Variants in LAMA5 observed in about 807,000 individuals in gnomAD.
LAMA5 encodes the protein laminin subunit alpha 5.
Under a neutral mutation model 433.4 loss-of-function variants are expected in LAMA5, and 260 were observed. The observed-to-expected ratio is 0.60, with a 90% confidence interval of 0.54 to 0.66. LAMA5 has a LOEUF of 0.66. Among genes scored for constraint, LAMA5 ranks in the 30% least tolerant of loss-of-function variants. LAMA5 has a pLI of 0.00. For missense variants in LAMA5, 5,378 were observed against 5,258.5 expected (o/e 1.02, Z -0.70); for synonymous variants, 2,620 against 2,226.6 (o/e 1.18, Z -4.97).
chr20:62,323,763 A>C lies in LAMA5; in HGVS notation c.5849+13T>G. The C allele has an allele frequency of 2.5e-6, 4 of 1,608,224 alleles. No homozygotes were observed. Among genetic ancestry groups the C allele is most frequent in the Non-Finnish European group, 3.4e-6 (4 of 1,177,458 alleles). ...CACTCAGGCCCTGCCCCACTGCCCT[A>C]GCCCCAGCTCACCGCTCGCAGGAGG... On this transcript the variant is annotated intron_variant, in intron 44 of 79. Transcript: ENST00000252999.
intron 2 of LAMA5, among the ~76,000 whole-genome samples, chr20:62,353,796 A>C: frequency 6.6e-6 from 1 of 151,300 alleles, no homozygotes; most frequent in East Asian, 2.0e-4. Context: ...CACACCGGGC[A>C]CCCCTCCCCA....
chr20:62,334,456 C>G (rs997290187), intron 21 of LAMA5, 66 bp downstream of exon 21: 3 of 1,514,376 alleles, frequency 2.0e-6, no homozygotes, highest in Non-Finnish European at 2.7e-6. Context: ...GTGAGGGACA[C>G]GGAGAGGCCC....
In LAMA5 at chr20:62,332,685, C is replaced by A; in HGVS notation, c.3315G>T (p.Gln1105His). The A allele has an allele frequency of 6.2e-7, 1 of 1,611,096 alleles. No homozygotes were observed. Among genetic ancestry groups the A allele is most frequent in the Non-Finnish European group, 8.5e-7 (1 of 1,179,248 alleles). Reference protein sequence around the residue: ...VDVQLQVAVPQPGRYALVVEY... With the variant: ...VDVQLQVAVPHPGRYALVVEY... ...CCACCACTAGGGCATAGCGGCCTGG[C>A]TGTGGCACTGCCACTTGAAGCTGGA... is the stretch of plus-strand genomic sequence containing the variant. The change falls in exon 27 of 80, where the codon CAG (glutamine) becomes CAT (histidine). Residue 1105 changes from glutamine (Q) to histidine (H), a missense_variant. Transcript: ENST00000252999.
chr20:62,354,600 A>G (rs2146324966), intron 2 of LAMA5, among the ~76,000 whole-genome samples: 1 of 152,194 alleles, frequency 6.6e-6, no homozygotes, highest in Middle Eastern at 3.4e-3. Context: ...CCATGGCCTC[A>G]ATGGCAAGAG....
chr20:62,365,637 C>T (rs1193350648), intron 1 of LAMA5, among the ~76,000 whole-genome samples: 1 of 152,192 alleles, frequency 6.6e-6, no homozygotes, highest in East Asian at 1.9e-4. Context: ...CACAGGCCCT[C>T]CGTCCTGAGA....
chr20:62,362,537 T>C lies in LAMA5; in HGVS notation c.313A>G (p.Ile105Val). ...NQTIRGQYCD[I>V]CTAANSNKAH... ...TTGTTGCTGTTGGCAGCCGTGCAGA[T>C]GTCACAGTACTGGCCCTGCAGAGGG... Residue 105 changes from isoleucine (I) to valine (V), a missense_variant, in exon 2 of 80, where the codon ATC (isoleucine) becomes GTC (valine). Transcript: ENST00000252999. 6.3e-7 allele frequency: 1 copy of C among 1,593,974 alleles called. No individual in the cohort carries two copies. Among genetic ancestry groups the C allele is most frequent in the Non-Finnish European group, 8.6e-7 (1 of 1,168,978 alleles).
At position 62,349,253 on chromosome 20, in the gene LAMA5, A is replaced by G. The variant is rs1350480690; in HGVS notation, c.957-2225T>C. ...GCCACTGCACGCCAGTCTGGGCAAC[A>G]GAGTGAGACTCCATCTCAAAAAAAA... On this transcript the variant is annotated intron_variant, in intron 6 of 79. Transcript: ENST00000252999. Among the ~76,000 whole-genome samples the G allele has an allele frequency of 4.7e-5, 6 of 128,362 alleles. No individual in the cohort carries two copies. The East Asian group carries it at 1.3e-3, about 29-fold the overall frequency. 84.2% of individuals were successfully genotyped at this position (128,362 alleles called of 152,430 possible).
At position 62,314,816 on chromosome 20, in the gene LAMA5, G is replaced by A. The variant is rs1039371210; in HGVS notation, c.8179C>T (p.Arg2727Trp). Reference protein sequence around the residue: ...GRVRELIAQARGAASKVKVPM... With the variant: ...GRVRELIAQAWGAASKVKVPM... ...TCACCCACCTTACTGGCAGCCCCCC[G>A]GGCCTGGGCAATGAGCTCTCGCACG... Residue 2727 changes from arginine (R) to tryptophan (W), a missense_variant, in exon 60 of 80, where the codon CGG becomes TGG. By Grantham distance (101) the Arg-to-Trp change is moderately radical (BLOSUM62 -3). Coordinates refer to ENST00000252999, the MANE Select transcript of LAMA5 (RefSeq NM_005560.6). The A allele has an allele frequency of 1.8e-5, 29 of 1,612,686 alleles. No individual in the cohort carries two copies. The highest frequency in any genetic ancestry group is 1.1e-4 in the East Asian group (5 of 44,882).
intron 17 of LAMA5, 94 bp downstream of exon 17, chr20:62,336,640 A>AGCAG: frequency 6.9e-7 from 1 of 1,449,758 alleles, no homozygotes. Context: ...GCAACTGAGC[A>AGCAG]GCAGGCAGGA....
chr20:62,317,381 G>A lies in LAMA5; in HGVS notation c.7475C>T (p.Ala2492Val). Residue 2492 changes from alanine (A) to valine (V), a missense_variant, in exon 55 of 80, where the codon GCA becomes GTA. Physicochemically the swap from Ala to Val is moderately conservative, Grantham distance 64. Coordinates refer to ENST00000252999, the MANE Select transcript of LAMA5 (RefSeq NM_005560.6). ...LRLVEAAEAH[A>V]QQLGQLALNL... ...GAGTGCCAGCTGGCCCAGCTGCTGT[G>A]CGTGGGCCTCGGCGGCCTCCACTAG... 4.3e-6 allele frequency: 7 copies of A among 1,609,850 alleles called. No homozygotes were observed. Among genetic ancestry groups the A allele is most frequent in the Non-Finnish European group, 5.9e-6 (7 of 1,179,206 alleles).
At chr20:62,339,539 A>C (rs577330368) in intron 11 of LAMA5, among the ~76,000 whole-genome samples, 1 of 152,324 alleles carries the variant, frequency 6.6e-6, no homozygotes, top group East Asian at 1.9e-4. Context: ...AAACAATGTC[A>C]GGTGTTGGGA....
intron 18 of LAMA5, 111 bp downstream of exon 18, chr20:62,336,229 C>T: frequency 1.3e-6 from 1 of 742,386 alleles, no homozygotes; most frequent in Non-Finnish European, 2.2e-6. Context: ...GGCACACTCA[C>T]TGGCTCCAGC....
At chr20:62,319,626 C>T in intron 51 of LAMA5, 58 bp downstream of exon 51, 1 of 1,306,070 alleles carries the variant, frequency 7.7e-7, no homozygotes, top group South Asian at 1.3e-5. Flanking sequence ...CACCCCCACC[C>T]CTACCCCAGG....
At chr20:62,318,710 G>C in intron 52 of LAMA5, 60 bp from the exon 53 acceptor site, 2 of 1,584,008 alleles carry the variant, frequency 1.3e-6, no homozygotes, top group Non-Finnish European at 1.7e-6. Flanking sequence ...ATGACCCCTG[G>C]TCTCCACTTG....
rs1311292126 is a variant in LAMA5, at chr20:62,338,372, G to A, written c.1619-3C>T. On this transcript the variant is annotated splice_polypyrimidine_tract_variant and splice_region_variant and intron_variant, in intron 12 of 79. Transcript: ENST00000252999. ...TCCAGGGCTGGAACACTGGCAGGCT[G>A]CAGGAAAGGGTGGCCCACATGCTTG... 3 of 1,606,938 alleles carry A rather than the reference G, an allele frequency of 1.9e-6. No individual in the cohort carries two copies. The highest frequency in any genetic ancestry group is 2.2e-5 in the East Asian group (1 of 44,764).
chr20:62,346,991 T>C lies in LAMA5; in HGVS notation c.994A>G (p.Thr332Ala). 2 of 1,612,268 alleles carry C rather than the reference T, an allele frequency of 1.2e-6. No homozygotes were observed. The highest frequency in any genetic ancestry group is 1.7e-6 in the Non-Finnish European group (2 of 1,179,892). The change falls in exon 7 of 80, where the codon ACC (threonine) becomes GCC (alanine). Residue 332 changes from threonine to alanine, a missense_variant. Thr to Ala is a moderately conservative substitution (Grantham distance 58, BLOSUM62 0). Coordinates refer to ENST00000252999, the MANE Select transcript of LAMA5 (RefSeq NM_005560.6). ...CTCQHNTCGGTCDRCCPGFNQ... is the reference protein window; with the variant it reads ...CTCQHNTCGGACDRCCPGFNQ... ...AAGCCGGGGCAGCAGCGGTCGCAGGTGCCCCCGCAGGTGTTGTGCTGGCAG... is the reference window on the plus strand; with the variant it reads ...AAGCCGGGGCAGCAGCGGTCGCAGGCGCCCCCGCAGGTGTTGTGCTGGCAG...
rs1568920418 is a variant in LAMA5 at position 62,322,259 on chromosome 20, C to T, written c.6346+10G>A. The T allele has an allele frequency of 6.3e-6, 10 of 1,585,748 alleles. 1 individual carries two copies. The South Asian group carries it at 1.1e-4, about 18-fold the overall frequency. ...CCCCATCCGCCCTCCTGTGACCGGC[C>T]AGCACTCACGCCTGCAGCCCTGCTC... On this transcript the variant is annotated intron_variant, in intron 47 of 79. Transcript: ENST00000252999.
intron 1 of LAMA5, among the ~76,000 whole-genome samples, chr20:62,364,551 C>G (rs1164628344): frequency 6.6e-6 from 1 of 152,240 alleles, no homozygotes; most frequent in Non-Finnish European, 1.5e-5. Flanking sequence ...CAGGCTCCCC[C>G]ACCTCCGCTG....
Position 62,317,331 on chromosome 20 carries a change from T to A in LAMA5, c.7511+14A>T, listed in dbSNP as rs1372958234. 6.3e-7 allele frequency: 1 copy of A among 1,598,460 alleles called. No homozygotes were observed. The highest frequency in any genetic ancestry group is 1.3e-5 in the African/African-American group (1 of 74,714). On this transcript the variant is annotated intron_variant, in intron 55 of 79. Transcript: ENST00000252999. ...CAGGGTGGGCCCAGGGCCCCTCCTC[T>A]CCTGGCCACCCACCTGGACAGATTG...
Sources: allele counts gnomAD v4.1 joint callset (sites outside exome capture counted in the v4.1 genomes callset), GRCh38; gene constraint gnomAD v4.1.1; transcripts MANE v1.5; gene names NCBI Gene and HGNC (gene_info 2026-07-23, HGNC 2026-07-21).